Variants in YAF2 observed in about 807,000 individuals in gnomAD.
YAF2 encodes YY1 associated factor 2.
In YAF2, 7 loss-of-function variants were observed where a neutral mutation model predicts 20.1. The ratio of observed to expected loss-of-function variants is 0.35; its 90% CI spans 0.20 to 0.65. YAF2 has a LOEUF of 0.65. Among genes scored for constraint, YAF2 ranks in the 30% least tolerant of loss-of-function variants. The pLI is 0.69. For synonymous variants in YAF2, 74 were observed against 76.0 expected (o/e 0.97, Z 0.14); for missense variants, 151 against 219.2 (o/e 0.69, Z 1.96).
chr12:42,190,384 C>T (rs1006427662), intron 2 of YAF2, among the ~76,000 whole-genome samples: 3 of 152,172 alleles, frequency 2.0e-5, no homozygotes, highest in Non-Finnish European at 2.9e-5. Context: ...ATTGTTAATA[C>T]TGTTTATATC....
At chr12:42,200,949 T>G (rs1023290634) in intron 2 of YAF2, among the ~76,000 whole-genome samples, 2 of 152,202 alleles carry the variant, frequency 1.3e-5, no homozygotes, top group African/African-American at 4.8e-5. Context: ...ATAATGATAG[T>G]ACCTCTTTCT....
At chr12:42,237,826 T>G in intron 1 of YAF2, 102 bp from the exon 2 acceptor site, 5 of 888,470 alleles carry the variant, frequency 5.6e-6, no homozygotes, top group Non-Finnish European at 6.5e-6. Flanking sequence ...CCGCCCCAAT[T>G]CTGCGACCCC....
At chr12:42,178,681 T>C (rs2066260965) in intron 2 of YAF2, among the ~76,000 whole-genome samples, 1 of 152,206 alleles carries the variant, frequency 6.6e-6, no homozygotes, top group Non-Finnish European at 1.5e-5. Context: ...AAACTACTTA[T>C]ATTTCTTTTT....
At chr12:42,228,650 G>T in intron 2 of YAF2, among the ~76,000 whole-genome samples, 1 of 104,702 alleles carries the variant, frequency 9.6e-6, no homozygotes. Context: ...CCGTCCGGGA[G>T]GGAGGTGGGG....
At chr12:42,213,907 A>G (rs892662543) in intron 2 of YAF2, among the ~76,000 whole-genome samples, 3 of 152,190 alleles carry the variant, frequency 2.0e-5, no homozygotes, top group African/African-American at 7.2e-5. Flanking sequence ...AATTGGAATA[A>G]ATATCAGAAA....
rs139659331 is a variant in YAF2, at chr12:42,208,267, T to A, written c.152+29332A>T. On this transcript the variant is annotated intron_variant, in intron 2 of 3. Coordinates refer to ENST00000534854, the MANE Select transcript of YAF2 (RefSeq NM_005748.6). ...GGTGAAATCCTGTCTCTACTAAATATACAAAAAAGCTAGCCAGGCCTGGTG... is the reference window on the plus strand; with the variant it reads ...GGTGAAATCCTGTCTCTACTAAATAAACAAAAAAGCTAGCCAGGCCTGGTG... 1.4e-4 allele frequency among the ~76,000 whole-genome samples: 22 copies of A among 151,830 alleles called. No individual in the cohort carries two copies. The East Asian group carries it at 4.3e-3, about 30-fold the overall frequency.
chr12:42,199,509 T>C (rs1338837544), intron 2 of YAF2: 1 of 199,086 alleles, frequency 5.0e-6, no homozygotes, highest in Non-Finnish European at 1.0e-5. Flanking sequence ...TCCACACACC[T>C]TTCTCACTAG....
chr12:42,195,958 A>C (rs1408620764), intron 2 of YAF2, among the ~76,000 whole-genome samples: 1 of 151,984 alleles, frequency 6.6e-6, no homozygotes, highest in South Asian at 2.1e-4. Flanking sequence ...ACAGTGGCTC[A>C]TACCTGTAAT....
rs796831787 is a variant in YAF2 at position 42,157,115 on chromosome 12, A to C, written c.*3474T>G. 2 of 152,334 alleles carry C rather than the reference A, an allele frequency of 1.3e-5. No individual in the cohort carries two copies. The highest frequency in any genetic ancestry group is 4.8e-5 in the African/African-American group (2 of 41,576). 9.4% of individuals were successfully genotyped at this position (152,334 alleles called of 1,614,324 possible). On this transcript the variant is annotated 3_prime_UTR_variant, in exon 4 of 4. Transcript: ENST00000534854. ...CTGAGACTGGGCAATTTATAAAGAA[A>C]ACAGATTTATTTTGGCTTATGAGTC...
intron 2 of YAF2, among the ~76,000 whole-genome samples, chr12:42,185,139 CT>C (rs1212718046): frequency 1.1e-4 from 17 of 152,192 alleles, no homozygotes; most frequent in Non-Finnish European, 7.3e-5. Flanking sequence ...GATCGCGCCA[CT>C]GCACTCCAGC....
intron 2 of YAF2, chr12:42,210,462 G>A: frequency 3.9e-6 from 6 of 1,535,306 alleles, no homozygotes; most frequent in Non-Finnish European, 5.2e-6. Context: ...GAACTGAGGG[G>A]GCATGCAGTA....
chr12:42,214,115 C>T (rs887176815), intron 2 of YAF2, among the ~76,000 whole-genome samples: 32 of 152,152 alleles, frequency 2.1e-4, no homozygotes, highest in African/African-American at 7.2e-4. Context: ...ATATCATTTA[C>T]GACTAAATTG....
intron 2 of YAF2, among the ~76,000 whole-genome samples, chr12:42,223,333 C>T (rs2067580626): frequency 7.6e-6 from 1 of 130,922 alleles, no homozygotes; most frequent in African/African-American, 3.2e-5. Flanking sequence ...AAAATACATA[C>T]ACACACACAC....
chr12:42,228,119 G>GC (rs2067812561), intron 2 of YAF2, among the ~76,000 whole-genome samples: 1 of 75,108 alleles, frequency 1.3e-5, no homozygotes, highest in African/African-American at 6.3e-5. Flanking sequence ...CCCTCTGCCC[G>GC]GCCAGCCGCC....
intron 2 of YAF2, among the ~76,000 whole-genome samples, chr12:42,228,267 G>A (rs1379531294): frequency 1.4e-3 from 56 of 39,538 alleles, no homozygotes; most frequent in African/African-American, 0.011. Context: ...CCCCCCGCCC[G>A]CGCCAGCCGC....
At chr12:42,177,985 T>C (rs2066241352) in intron 2 of YAF2, among the ~76,000 whole-genome samples, 1 of 152,120 alleles carries the variant, frequency 6.6e-6, no homozygotes, top group South Asian at 2.1e-4. Context: ...TGTTTTCCTC[T>C]ACCAGAATAG....
chr12:42,188,344 T>G (rs2066525836), intron 2 of YAF2, among the ~76,000 whole-genome samples: 1 of 151,992 alleles, frequency 6.6e-6, no homozygotes, highest in Non-Finnish European at 1.5e-5. Context: ...TTCTTTGTCC[T>G]TAGCTATATG....
At chr12:42,221,567 A>C (rs2067514719) in intron 2 of YAF2, among the ~76,000 whole-genome samples, 1 of 152,156 alleles carries the variant, frequency 6.6e-6, no homozygotes, top group Non-Finnish European at 1.5e-5. Context: ...TCTTTAAAAA[A>C]AATTTTTTTT....
intron 2 of YAF2, among the ~76,000 whole-genome samples, chr12:42,185,277 G>A (rs1299127801): frequency 1.3e-5 from 2 of 152,252 alleles, no homozygotes; most frequent in Admixed American, 1.3e-4. Flanking sequence ...AGCTTTCACA[G>A]ATGAGGAGTT....
Sources: allele counts gnomAD v4.1 joint callset (sites outside exome capture counted in the v4.1 genomes callset), GRCh38; gene constraint gnomAD v4.1.1; transcripts MANE v1.5; gene names NCBI Gene and HGNC (gene_info 2026-07-23, HGNC 2026-07-21).